DDX60: variants seen among roughly 807,000 people sequenced by gnomAD.
DDX60 encodes probable ATP-dependent RNA helicase DDX60.
In DDX60, 165 loss-of-function variants were observed where a neutral mutation model predicts 212.8. The ratio of observed to expected loss-of-function variants is 0.78; its 90% CI spans 0.68 to 0.88. DDX60 has a LOEUF of 0.88. DDX60 is among the 40% of genes least tolerant of loss of function. DDX60 has a pLI of 0.00. For synonymous variants in DDX60, 703 were observed against 685.3 expected (o/e 1.03, Z -0.40); for missense variants, 1,905 against 2,003.9 (o/e 0.95, Z 0.94).
At chr4:168,287,700 T>TTGTTC (rs1401842593) in intron 9 of DDX60, among the ~76,000 whole-genome samples, 1 of 152,116 alleles carries the variant, frequency 6.6e-6, no homozygotes, top group African/African-American at 2.4e-5. Context: ...TTGTTTTGTT[T>TTGTTC]TGTTCGGTTT....
At chr4:168,282,526 G>GTGGA (rs1337627278) in intron 13 of DDX60, among the ~76,000 whole-genome samples, 3 of 152,064 alleles carry the variant, frequency 2.0e-5, no homozygotes, top group African/African-American at 7.2e-5. Context: ...ATTTGTTAAG[G>GTGGA]TGGATATGTG....
At chr4:168,295,710 T>C (rs774925212) in intron 6 of DDX60, among the ~76,000 whole-genome samples, 3 of 152,198 alleles carry the variant, frequency 2.0e-5, no homozygotes, top group Admixed American at 6.5e-5. Context: ...TGCACTCCCA[T>C]GTTCATTGAC....
intron 35 of DDX60, among the ~76,000 whole-genome samples, chr4:168,224,039 T>C (rs1449802210): frequency 1.3e-5 from 2 of 152,040 alleles, no homozygotes; most frequent in African/African-American, 4.8e-5. Context: ...GGAAACTCTC[T>C]GAGCAGGGTC....
chr4:168,259,162 T>G (rs577323630), intron 25 of DDX60, among the ~76,000 whole-genome samples: 1 of 152,330 alleles, frequency 6.6e-6, no homozygotes, highest in Admixed American at 6.5e-5. Context: ...ATTTGTCTTA[T>G]ATCAGTCTAA....
intron 27 of DDX60, among the ~76,000 whole-genome samples, chr4:168,251,773 T>G (rs1448434991): frequency 2.0e-5 from 3 of 152,124 alleles, no homozygotes; most frequent in Admixed American, 2.0e-4. Context: ...CAAAAGAAGG[T>G]GCACAATAGA....
In DDX60 at chr4:168,271,479, T is replaced by C. The variant is rs1329765658; in HGVS notation, c.2670+564A>G. 4.6e-5 allele frequency among the ~76,000 whole-genome samples: 7 copies of C among 152,328 alleles called. No homozygotes were observed. In the Middle Eastern group the frequency reaches 0.01, roughly 222 times the overall value. On this transcript the variant is annotated intron_variant, in intron 19 of 37. Transcript: ENST00000393743. ...GTTCCTCACAATATGGCCAACTCAA[T>C]TGGAATCTCCTTTTGAGTTTCCATA...
In DDX60 at chr4:168,252,607, GTATT is replaced by G. The variant is rs1371512073; in HGVS notation, c.3603_3606del (p.Ile1202MetfsTer8). Reference sequence around the variant, plus strand: ...ACTAGATTATCATGTTCAGCTTCATGTATTAGGCTTTGATCCACATTTCTGGTTT... The same window carrying G: ...ACTAGATTATCATGTTCAGCTTCATGAGGCTTTGATCCACATTTCTGGTTT... On this transcript the variant is annotated frameshift_variant, in exon 27 of 38. Transcript: ENST00000393743. LOFTEE classifies it high-confidence loss of function. 4 of 1,613,070 alleles carry G rather than the reference GTATT, an allele frequency of 2.5e-6. No individual in the cohort carries two copies. The East Asian group carries it at 8.9e-5, about 36-fold the overall frequency.
intron 17 of DDX60, among the ~76,000 whole-genome samples, chr4:168,273,610 TA>T (rs1437752565): frequency 6.6e-6 from 1 of 152,116 alleles, no homozygotes; most frequent in Non-Finnish European, 1.5e-5. Context: ...CAACCTAAAG[TA>T]AAATGGAATT....
intron 19 of DDX60, among the ~76,000 whole-genome samples, chr4:168,271,373 G>C (rs1045188369): frequency 6.6e-6 from 1 of 152,206 alleles, no homozygotes; most frequent in Non-Finnish European, 1.5e-5. Context: ...CTTGGCCATA[G>C]ATCAGAAGAA....
chr4:168,294,821 G>A (rs1736271000), intron 6 of DDX60, among the ~76,000 whole-genome samples: 1 of 151,532 alleles, frequency 6.6e-6, no homozygotes, highest in South Asian at 2.1e-4. Flanking sequence ...ATTTAATAAG[G>A]AGTTAAGATC....
At chr4:168,315,640 T>C (rs1331056841) in intron 1 of DDX60, among the ~76,000 whole-genome samples, 1 of 152,214 alleles carries the variant, frequency 6.6e-6, no homozygotes, top group Non-Finnish European at 1.5e-5. Context: ...TGTGCTCTCA[T>C]TGTTCCACTC....
At chr4:168,229,320 T>A (rs554958351) in intron 33 of DDX60, among the ~76,000 whole-genome samples, 13 of 151,996 alleles carry the variant, frequency 8.6e-5, no homozygotes, top group Non-Finnish European at 1.9e-4. Context: ...AATATAGGTG[T>A]AGAGGAAGCA....
chr4:168,289,176 G>A (rs1367056926), intron 8 of DDX60, among the ~76,000 whole-genome samples: 1 of 152,154 alleles, frequency 6.6e-6, no homozygotes, highest in Non-Finnish European at 1.5e-5. Flanking sequence ...AAAGACTAAG[G>A]TTTTCTATTA....
chr4:168,231,447 T>C (rs992094262), intron 33 of DDX60, among the ~76,000 whole-genome samples: 7 of 149,920 alleles, frequency 4.7e-5, no homozygotes, highest in Non-Finnish European at 7.4e-5. Flanking sequence ...CTGATGAACA[T>C]AAACGCAAAA....
intron 3 of DDX60, 37 bp downstream of exon 3, chr4:168,310,961 T>C: frequency 8.0e-7 from 1 of 1,242,802 alleles, no homozygotes; most frequent in South Asian, 1.3e-5. Context: ...GAACATGAGC[T>C]ATGATTTCCC....
chr4:168,256,126 T>C, intron 25 of DDX60, among the ~76,000 whole-genome samples: 1 of 114,168 alleles, frequency 8.8e-6, no homozygotes, highest in South Asian at 3.4e-4. Context: ...ACCCAGACAT[T>C]ACCCCTGGGA....
chr4:168,284,216 C>T (rs1032938079), intron 12 of DDX60, among the ~76,000 whole-genome samples: 1 of 152,218 alleles, frequency 6.6e-6, no homozygotes, highest in Non-Finnish European at 1.5e-5. Flanking sequence ...AGTATCCCCC[C>T]ACACCTTGGT....
chr4:168,280,362 A>C lies in DDX60; in HGVS notation c.1951T>G (p.Trp651Gly). Residue 651 changes from tryptophan (W) to glycine (G), a missense_variant, in exon 14 of 38, where the codon TGG becomes GGG. Transcript: ENST00000393743. ...TCTTCACTTCGGCAATGTTCTTTCC[A>C]GGCTTTCAAGCAAGCAGTTAACCCC... Reference protein sequence around the residue: ...MVGLTACLKAWKEHCRSEEGK... With the variant: ...MVGLTACLKAGKEHCRSEEGK... 6.2e-7 allele frequency: 1 copy of C among 1,613,250 alleles called. No individual in the cohort carries two copies. Among genetic ancestry groups the C allele is most frequent in the Non-Finnish European group, 8.5e-7 (1 of 1,179,764 alleles).
intron 7 of DDX60, among the ~76,000 whole-genome samples, chr4:168,293,021 T>C (rs769760143): frequency 7.9e-5 from 12 of 152,214 alleles, no homozygotes; most frequent in Non-Finnish European, 1.2e-4. Context: ...TTCTCTTTAA[T>C]AGAAACCTTC....
Sources: gnomAD v4.1 joint callset for allele counts (sites outside exome capture counted in the v4.1 genomes callset) on GRCh38, gnomAD v4.1.1 for gene constraint, MANE v1.5 for transcripts, NCBI Gene and HGNC (gene_info 2026-07-23, HGNC 2026-07-21) for gene names.